OR3A2: variants seen among roughly 807,000 people sequenced by gnomAD.
OR3A2 encodes the protein olfactory receptor 3A2.
For missense variants in OR3A2, 318 were observed against 392.8 expected (o/e 0.81, Z 1.61); for synonymous variants, 126 against 159.3 (o/e 0.79, Z 1.57).
At chr17:3,292,168 T>C (rs1216241769) in intron 3 of OR3A2, 2 of 1,613,992 alleles carry the variant, frequency 1.2e-6, no homozygotes, top group African/African-American at 1.3e-5. Flanking sequence ...GTCTGACTCA[T>C]GCGGGTGCTG....
At chr17:3,295,182 G>C (rs772624061) in intron 3 of OR3A2, among the ~76,000 whole-genome samples, 12 of 152,078 alleles carry the variant, frequency 7.9e-5, no homozygotes, top group Non-Finnish European at 1.8e-4. Flanking sequence ...ATAGGAGGAC[G>C]TATGTGTTGA....
chr17:3,292,200 G>C, intron 3 of OR3A2: 1 of 1,614,156 alleles, frequency 6.2e-7, no homozygotes, highest in Non-Finnish European at 8.5e-7. Context: ...CCGGCAGATG[G>C]CCAGGAATCG....
intron 3 of OR3A2, among the ~76,000 whole-genome samples, chr17:3,289,672 G>A (rs1277647165): frequency 1.3e-5 from 2 of 152,170 alleles, no homozygotes; most frequent in African/African-American, 4.8e-5. Flanking sequence ...ATCTCGCAGT[G>A]GAAGAACCTT....
At chr17:3,341,514 C>G (rs920268727) in intron 2 of OR3A2, among the ~76,000 whole-genome samples, 9 of 152,144 alleles carry the variant, frequency 5.9e-5, no homozygotes, top group Admixed American at 2.0e-4. Context: ...ATTTCTCCTT[C>G]ACTTATGAAG....
intron 2 of OR3A2, among the ~76,000 whole-genome samples, chr17:3,343,679 G>A (rs1175647430): frequency 6.6e-6 from 1 of 152,122 alleles, no homozygotes; most frequent in African/African-American, 2.4e-5. Context: ...CAAGTTTGGA[G>A]GGAGTACACC....
chr17:3,283,632 G>A (rs1328671044), intron 1 of OR3A2, among the ~76,000 whole-genome samples: 1 of 152,174 alleles, frequency 6.6e-6, no homozygotes, highest in African/African-American at 2.4e-5. Context: ...AATTTGTCAT[G>A]GCTTAGTGTG....
At chr17:3,343,820 CCA>C (rs1178960512) in intron 2 of OR3A2, among the ~76,000 whole-genome samples, 2 of 152,068 alleles carry the variant, frequency 1.3e-5, no homozygotes, top group Non-Finnish European at 2.9e-5. Context: ...CTGACGTAGC[CCA>C]CATGCTTTGG....
intron 2 of OR3A2, among the ~76,000 whole-genome samples, chr17:3,371,388 C>G (rs1455928611): frequency 2.0e-5 from 3 of 148,386 alleles, no homozygotes; most frequent in Non-Finnish European, 3.0e-5. Context: ...CCCCCCACCT[C>G]CCTCCCGGAC....
At chr17:3,282,629 T>G (rs538476078) in intron 1 of OR3A2, among the ~76,000 whole-genome samples, 1 of 152,072 alleles carries the variant, frequency 6.6e-6, no homozygotes, top group African/African-American at 2.4e-5. Context: ...CTCCAAGAGG[T>G]CCTTAAAGTT....
At chr17:3,365,859 A>C (rs2049558558) in intron 2 of OR3A2, among the ~76,000 whole-genome samples, 1 of 152,204 alleles carries the variant, frequency 6.6e-6, no homozygotes, top group Non-Finnish European at 1.5e-5. Context: ...AAAAAGGAAA[A>C]ATTTTTGGAA....
Position 3,315,756 on chromosome 17 carries a change from G to GC in OR3A2, c.-85+20276_-85+20277insG, listed in dbSNP as rs201646897. 5.3e-3 allele frequency among the ~76,000 whole-genome samples: 690 copies of GC among 130,316 alleles called. 41 individuals carry two copies. In the Admixed American group the frequency reaches 0.054, roughly 10 times the overall value. The allele number at this position is 130,316 out of a possible 152,430, so 85.5% of individuals were successfully genotyped here. On this transcript the variant is annotated intron_variant, in intron 3 of 4. Transcript: ENST00000573491. ...AGTGCTAACTGGTGAAAATATGGGG[G>GC]GGGGGGCGGTAGTAAGATGAGTAGT... is the stretch of plus-strand genomic sequence containing the variant.
In OR3A2 at chr17:3,311,370, T is replaced by A. The variant is rs763425486; in HGVS notation, c.-85+24663A>T. ...CCATGGCCTATGACCGCTACCTGGCTATCTGTCAGCTTCTCACCAACAGCA... is the reference window on the plus strand; with the variant it reads ...CCATGGCCTATGACCGCTACCTGGCAATCTGTCAGCTTCTCACCAACAGCA... On this transcript the variant is annotated intron_variant, in intron 3 of 4. Transcript: ENST00000573491. This position sits in a 1 kb window ranked among gnomAD's most constrained non-coding sequence, Gnocchi z 4.6. 1 of 525,326 alleles carries A rather than the reference T, an allele frequency of 1.9e-6. No individual in the cohort carries two copies. The allele number at this position is 525,326 out of a possible 1,614,324, so 32.5% of individuals were successfully genotyped here.
chr17:3,349,603 G>A (rs2049401638), intron 2 of OR3A2, among the ~76,000 whole-genome samples: 1 of 152,030 alleles, frequency 6.6e-6, no homozygotes, highest in African/African-American at 2.4e-5. Context: ...ACACCCCACT[G>A]TCAACATCAG....
At chr17:3,385,879 G>T (rs227981) in intron 1 of OR3A2, 169,615 of 398,262 alleles carry the variant, frequency 0.43, 37,195 homozygotes, top group Admixed American at 0.6. Context: ...CTAGAATTTC[G>T]GCCGGCTGCC....
chr17:3,384,210 C>G (rs550785409), intron 1 of OR3A2, among the ~76,000 whole-genome samples: 5 of 151,960 alleles, frequency 3.3e-5, no homozygotes, highest in African/African-American at 9.7e-5. Context: ...AACCTTGGAG[C>G]AATGGGAGAA....
rs370017577 is a variant in OR3A2, at chr17:3,306,477, G to T, written c.-84-27324C>A. 3.2e-4 allele frequency among the ~76,000 whole-genome samples: 48 copies of T among 152,066 alleles called. No individual in the cohort carries two copies. The East Asian group carries it at 7.7e-3, about 25-fold the overall frequency. Reference sequence around the variant, plus strand: ...TTGATGAGGTTACTTCCTCATCCAGGAGGCACCAGATGTAATGCAGTTACC... The same window carrying T: ...TTGATGAGGTTACTTCCTCATCCAGTAGGCACCAGATGTAATGCAGTTACC... On this transcript the variant is annotated intron_variant, in intron 3 of 4. Coordinates refer to the OR3A2 transcript ENST00000573491.
chr17:3,313,187 T>A (rs1269859685), intron 3 of OR3A2, among the ~76,000 whole-genome samples: 1 of 152,186 alleles, frequency 6.6e-6, no homozygotes, highest in Non-Finnish European at 1.5e-5. Context: ...ATTCTGTAAA[T>A]CCTTCAGGCA....
At chr17:3,318,673 C>T (rs181272190) in intron 3 of OR3A2, among the ~76,000 whole-genome samples, 3 of 152,326 alleles carry the variant, frequency 2.0e-5, no homozygotes, top group South Asian at 4.1e-4. Flanking sequence ...ATTATCAACC[C>T]TCTATCTTCA....
chr17:3,282,880 C>A (rs1264943217), intron 1 of OR3A2, among the ~76,000 whole-genome samples: 1 of 152,208 alleles, frequency 6.6e-6, no homozygotes, highest in African/African-American at 2.4e-5. Flanking sequence ...TCCCCACCTG[C>A]AATGGTTTCC....
Sources: gnomAD v4.1 joint callset for allele counts (sites outside exome capture counted in the v4.1 genomes callset) on GRCh38, gnomAD v4.1.1 for gene constraint, Gnocchi (gnomAD v3.1) non-coding constraint, MANE v1.5 for transcripts, NCBI Gene and HGNC (gene_info 2026-07-23, HGNC 2026-07-21) for gene names.